The following SUPT3H variants were observed in gnomAD, a reference collection of about 807,000 sequenced individuals.
SUPT3H encodes the protein SPT3 homolog, SAGA and STAGA complex component, also known as transcription initiation protein SPT3 homolog.
Under a neutral mutation model 44.3 loss-of-function variants are expected in SUPT3H, and 44 were observed. That is an observed-to-expected ratio of 0.99 (90% CI 0.78 to 1.28). SUPT3H has a LOEUF of 1.28. Among genes scored for constraint, SUPT3H ranks in the 50% most tolerant of loss-of-function variants. The pLI is 0.00. For missense variants in SUPT3H, 380 were observed against 387.1 expected, an observed-to-expected ratio of 0.98 and a Z score of 0.15; for synonymous variants, 124 against 125.6, an observed-to-expected ratio of 0.99 and a Z score of 0.09.
At chr6:45,221,684 C>A (rs1276016038) in intron 2 of SUPT3H, among the ~76,000 whole-genome samples, 4 of 151,958 alleles carry the variant, frequency 2.6e-5, no homozygotes, top group African/African-American at 4.8e-5. Flanking sequence ...AATTTAATTC[C>A]TATTATAATC....
chr6:44,930,553 A>G (rs1336437927), intron 10 of SUPT3H, among the ~76,000 whole-genome samples: 1 of 116,076 alleles, frequency 8.6e-6, no homozygotes, highest in Non-Finnish European at 1.7e-5. Context: ...AAACAGAGTG[A>G]GACTCCGTCT....
In SUPT3H at chr6:44,828,730, T is replaced by A. The variant is rs1351979077; in HGVS notation, c.*1086A>T. ...AAAAGGAGCAGTATCAAGAAAAAGA[T>A]CTTTCATGTTTCTCATTTCTGTTTT... On this transcript the variant is annotated 3_prime_UTR_variant, in exon 11 of 11. Coordinates refer to ENST00000371459, the MANE Select transcript of SUPT3H (RefSeq NM_003599.4). 6.6e-6 allele frequency: 1 copy of A among 152,342 alleles called. No individual in the cohort carries two copies. The highest frequency in any genetic ancestry group is 1.9e-4 in the East Asian group (1 of 5,204). 9.4% of individuals were successfully genotyped at this position (152,342 alleles called of 1,614,324 possible).
chr6:45,064,560 A>G (rs1158634663), intron 3 of SUPT3H, among the ~76,000 whole-genome samples: 2 of 139,404 alleles, frequency 1.4e-5, no homozygotes, highest in Non-Finnish European at 3.1e-5. Context: ...GTATTCAGGA[A>G]ACCCATCTTA....
At chr6:45,179,495 C>A (rs561343138) in intron 2 of SUPT3H, among the ~76,000 whole-genome samples, 40 of 152,266 alleles carry the variant, frequency 2.6e-4, no homozygotes, top group African/African-American at 8.7e-4. Flanking sequence ...TACTGGCAAA[C>A]CAAATCCAGC....
chr6:44,930,763 T>C (rs1374821650), intron 10 of SUPT3H, among the ~76,000 whole-genome samples: 2 of 152,180 alleles, frequency 1.3e-5, no homozygotes, highest in African/African-American at 2.4e-5. Flanking sequence ...AGCGGCTAAC[T>C]GAACCTTCCA....
rs1398041827 is a variant in SUPT3H, at chr6:44,932,682, G to T, written c.883C>A (p.His295Asn). 6.2e-7 allele frequency: 1 copy of T among 1,611,612 alleles called. No individual in the cohort carries two copies. The highest frequency in any genetic ancestry group is 1.7e-5 in the Admixed American group (1 of 59,558). ...AATGGGGAAAGTGGGCCAATCCTGTGGCTGTAGCGTCGAATGGCCTCTCTG... is the reference window on the plus strand; with the variant it reads ...AATGGGGAAAGTGGGCCAATCCTGTTGCTGTAGCGTCGAATGGCCTCTCTG... ...HIREAIRRYS[H>N]RIGPLSPFTN... is the part of the protein sequence containing the mutation. The change falls in exon 10 of 11, where the codon CAC becomes AAC. Residue 295 changes from histidine to asparagine, a missense_variant. His to Asn is a moderately conservative substitution (Grantham distance 68, BLOSUM62 1). Coordinates refer to ENST00000371459, the MANE Select transcript of SUPT3H (RefSeq NM_003599.4).
chr6:45,289,028 C>T (rs950396397), intron 2 of SUPT3H, among the ~76,000 whole-genome samples: 7 of 152,042 alleles, frequency 4.6e-5, no homozygotes, highest in Non-Finnish European at 8.8e-5. Context: ...CTCTCAGCAT[C>T]GGGCCAGGAT....
At chr6:45,201,099 T>C (rs1762402368) in intron 2 of SUPT3H, among the ~76,000 whole-genome samples, 1 of 151,686 alleles carries the variant, frequency 6.6e-6, no homozygotes. Flanking sequence ...TAATTAAGTA[T>C]ACATGTTAAC....
chr6:45,185,162 G>A (rs1254817410), intron 2 of SUPT3H, among the ~76,000 whole-genome samples: 1 of 152,136 alleles, frequency 6.6e-6, no homozygotes, highest in Admixed American at 6.6e-5. Context: ...ACAGGGTGCA[G>A]CAGCAAGCTA....
intron 2 of SUPT3H, among the ~76,000 whole-genome samples, chr6:45,130,185 C>T (rs1170260569): frequency 6.6e-6 from 1 of 152,184 alleles, no homozygotes; most frequent in African/African-American, 2.4e-5. Flanking sequence ...CCCATTCTCA[C>T]CCCCTCTCTC....
At chr6:45,275,901 GAA>G (rs1306648893) in intron 2 of SUPT3H, among the ~76,000 whole-genome samples, 1 of 151,964 alleles carries the variant, frequency 6.6e-6, no homozygotes, top group East Asian at 1.9e-4. Flanking sequence ...AACACACACT[GAA>G]AAGTCTCCCT....
intron 2 of SUPT3H, among the ~76,000 whole-genome samples, chr6:45,272,901 T>C (rs1776432257): frequency 6.6e-6 from 1 of 152,246 alleles, no homozygotes; most frequent in African/African-American, 2.4e-5. Context: ...CAGTCTGCTT[T>C]TGCTTTGCCT....
intron 10 of SUPT3H, among the ~76,000 whole-genome samples, chr6:44,848,537 T>C (rs1772295239): frequency 6.6e-6 from 1 of 152,218 alleles, no homozygotes; most frequent in African/African-American, 2.4e-5. Flanking sequence ...GTCTTTATTC[T>C]TGTGATAAGA....
At chr6:44,891,040 GATGGGTGCAGGAAACCACC>G (rs1433871264) in intron 10 of SUPT3H, among the ~76,000 whole-genome samples, 3 of 151,858 alleles carry the variant, frequency 2.0e-5, no homozygotes, top group African/African-American at 7.2e-5. Context: ...ATGACGGGTT[GATGGGTGCAGGAAACCACC>G]ATGGCACATG....
At chr6:44,810,290 G>A (rs1206969640) in intron 11 of SUPT3H, among the ~76,000 whole-genome samples, 2 of 152,194 alleles carry the variant, frequency 1.3e-5, no homozygotes, top group African/African-American at 2.4e-5. Context: ...AAGGCGATAT[G>A]GACTGGCTAA....
chr6:45,364,708 C>CT (rs1026861317), intron 2 of SUPT3H, among the ~76,000 whole-genome samples: 1 of 152,146 alleles, frequency 6.6e-6, no homozygotes, highest in Non-Finnish European at 1.5e-5. Context: ...TTCAAATGCT[C>CT]TAAGTTTTTC....
At position 45,307,416 on chromosome 6, in the gene SUPT3H, G is replaced by A. The variant is rs951736437; in HGVS notation, c.101+57785C>T. On this transcript the variant is annotated intron_variant, in intron 2 of 10. Transcript: ENST00000371459. ...ATACGGCTGGGTACCCCTCTGAGAC[G>A]AAACCTCCAGAGAAACAATCAGACA... Among the ~76,000 whole-genome samples, 10 of 152,184 alleles carry A rather than the reference G, an allele frequency of 6.6e-5. 2 individuals carry two copies. The highest frequency in any genetic ancestry group is 4.1e-4 in the South Asian group (2 of 4,824).
At chr6:45,260,474 C>T (rs907591835) in intron 2 of SUPT3H, among the ~76,000 whole-genome samples, 1 of 152,060 alleles carries the variant, frequency 6.6e-6, no homozygotes, top group African/African-American at 2.4e-5. Flanking sequence ...AAAATTCAGG[C>T]TAAATAACAG....
At chr6:45,163,228 C>G (rs1809327314) in intron 2 of SUPT3H, among the ~76,000 whole-genome samples, 1 of 152,096 alleles carries the variant, frequency 6.6e-6, no homozygotes, top group Admixed American at 6.6e-5. Context: ...GTAATAATGT[C>G]ATGAAAGACA....
Sources: allele counts gnomAD v4.1 joint callset (sites outside exome capture counted in the v4.1 genomes callset), GRCh38; gene constraint gnomAD v4.1.1; transcripts MANE v1.5; gene names NCBI Gene and HGNC (gene_info 2026-07-23, HGNC 2026-07-21).